IQCM: variants seen among roughly 807,000 people sequenced by gnomAD.
The protein encoded by IQCM is IQ motif containing M.
Under a neutral mutation model 57.6 loss-of-function variants are expected in IQCM, and 45 were observed. The observed-to-expected ratio is 0.78, with a 90% CI of 0.62 to 1.00. The LOEUF is 1.00. IQCM is among the 50% of genes least tolerant of loss of function. The pLI is 0.00. For missense variants in IQCM, 468 were observed against 511.6 expected, an observed-to-expected ratio of 0.91 and a Z score of 0.82; for synonymous variants, 148 against 158.9, an observed-to-expected ratio of 0.93 and a Z score of 0.51.
At chr4:149,782,767 A>G (rs1196731650) in intron 2 of IQCM, among the ~76,000 whole-genome samples, 3 of 152,132 alleles carry the variant, frequency 2.0e-5, no homozygotes, top group African/African-American at 7.2e-5. Flanking sequence ...AATAGAATAG[A>G]CTTAGCTAGA....
intron 7 of IQCM, among the ~76,000 whole-genome samples, chr4:149,665,604 A>G (rs985814312): frequency 1.3e-5 from 2 of 152,166 alleles, no homozygotes; most frequent in African/African-American, 4.8e-5. Flanking sequence ...ACAAATGCCA[A>G]GCAACTCCAG....
At chr4:149,775,178 T>TA (rs1770974091) in intron 2 of IQCM, among the ~76,000 whole-genome samples, 1 of 152,144 alleles carries the variant, frequency 6.6e-6, no homozygotes, top group African/African-American at 2.4e-5. Flanking sequence ...TTCTAGGAGA[T>TA]AGATTTCTGG....
intron 2 of IQCM, among the ~76,000 whole-genome samples, chr4:149,776,978 C>T (rs867969329): frequency 1.3e-5 from 2 of 152,084 alleles, no homozygotes; most frequent in Non-Finnish European, 1.5e-5. Context: ...CCAGGCACCT[C>T]CAGACCGCTT....
chr4:149,566,244 T>A (rs76473417), intron 9 of IQCM, among the ~76,000 whole-genome samples: 2,892 of 152,250 alleles, frequency 0.019, 55 homozygotes, highest in African/African-American at 0.057. Context: ...TGAGTTGACA[T>A]CTTTTTCTCA....
At chr4:149,412,668 A>T (rs892144493) in intron 13 of IQCM, among the ~76,000 whole-genome samples, 3 of 152,216 alleles carry the variant, frequency 2.0e-5, no homozygotes, top group African/African-American at 7.2e-5. Context: ...ACAGATATGT[A>T]TAGATCTAAA....
At chr4:149,665,091 A>T (rs1394434276) in intron 7 of IQCM, among the ~76,000 whole-genome samples, 1 of 152,144 alleles carries the variant, frequency 6.6e-6, no homozygotes, top group Non-Finnish European at 1.5e-5. Context: ...GAACAACTGT[A>T]GGGCCTCACA....
At chr4:149,403,800 A>G (rs1202583146) in intron 13 of IQCM, among the ~76,000 whole-genome samples, 1 of 152,004 alleles carries the variant, frequency 6.6e-6, no homozygotes, top group Non-Finnish European at 1.5e-5. Context: ...ATTCAATTAG[A>G]GGTAAAATAT....
intron 7 of IQCM, among the ~76,000 whole-genome samples, chr4:149,662,196 A>G (rs1006103877): frequency 9.2e-5 from 14 of 151,808 alleles, no homozygotes; most frequent in Admixed American, 3.3e-4. Context: ...TTCCTCATTG[A>G]TCCACTGGTT....
At chr4:149,479,367 A>T (rs1435671578) in intron 12 of IQCM, among the ~76,000 whole-genome samples, 2 of 152,200 alleles carry the variant, frequency 1.3e-5, no homozygotes. Flanking sequence ...ATTTGGGCAT[A>T]CCCCTTAAAT....
intron 12 of IQCM, among the ~76,000 whole-genome samples, chr4:149,542,169 T>C (rs1211073412): frequency 6.6e-6 from 1 of 152,100 alleles, no homozygotes; most frequent in Non-Finnish European, 1.5e-5. Context: ...ATTAGACATA[T>C]ATTTAAAATT....
intron 13 of IQCM, among the ~76,000 whole-genome samples, chr4:149,382,822 C>T (rs1208361882): frequency 6.6e-6 from 1 of 151,934 alleles, no homozygotes; most frequent in Non-Finnish European, 1.5e-5. Flanking sequence ...TCAGTGATGC[C>T]AAAGGCAGAA....
chr4:149,678,448 T>A (rs1413037427), intron 7 of IQCM, among the ~76,000 whole-genome samples: 2 of 151,708 alleles, frequency 1.3e-5, no homozygotes, highest in Non-Finnish European at 3.0e-5. Flanking sequence ...AGTTCTAATA[T>A]AAAAAACTGA....
Position 149,553,144 on chromosome 4 carries a change from T to A in IQCM, c.1092A>T (p.Lys364Asn). 1 of 1,231,366 alleles carries A rather than the reference T, an allele frequency of 8.1e-7. No individual in the cohort carries two copies. Among genetic ancestry groups the A allele is most frequent in the Non-Finnish European group, 1.0e-6 (1 of 987,320 alleles). The allele number at this position is 1,231,366 out of a possible 1,614,324, so 76.3% of individuals were successfully genotyped here. ...AELEEWMDRK[K>N]FYEIMFAKRE... is the part of the protein sequence containing the mutation. ...ACCAGAAGTGTCTGCATCACTTACATTTTTTTCGGTCCATCCACTCCTCTA... is the reference window on the plus strand; with the variant it reads ...ACCAGAAGTGTCTGCATCACTTACAATTTTTTCGGTCCATCCACTCCTCTA... The change falls in exon 11 of 14, where the codon AAA becomes AAT. Residue 364 changes from lysine to asparagine, a missense_variant and splice_region_variant. Transcript: ENST00000636793.
intron 13 of IQCM, among the ~76,000 whole-genome samples, chr4:149,409,324 C>T (rs143023670): frequency 6.6e-6 from 1 of 152,324 alleles, no homozygotes; most frequent in Non-Finnish European, 1.5e-5. Context: ...GCCAGTCATC[C>T]TCTAGCCCAG....
At chr4:149,555,233 T>TA (rs890129612) in intron 10 of IQCM, among the ~76,000 whole-genome samples, 15 of 152,080 alleles carry the variant, frequency 9.9e-5, no homozygotes, top group Non-Finnish European at 1.3e-4. Context: ...TTTTGTCTTT[T>TA]AAAAAAAATA....
chr4:149,756,373 C>CGA (rs1362559050), intron 2 of IQCM, among the ~76,000 whole-genome samples: 14 of 152,232 alleles, frequency 9.2e-5, no homozygotes, highest in African/African-American at 3.1e-4. Context: ...TGTTTTAAAA[C>CGA]ATCTGAGGGA....
At chr4:149,717,883 CT>C (rs1361731210) in intron 5 of IQCM, among the ~76,000 whole-genome samples, 1 of 152,204 alleles carries the variant, frequency 6.6e-6, no homozygotes, top group Non-Finnish European at 1.5e-5. Context: ...ATGGTTGTCC[CT>C]TTCCTAAACC....
intron 13 of IQCM, among the ~76,000 whole-genome samples, chr4:149,414,813 A>G (rs1015171001): frequency 3.9e-5 from 6 of 152,082 alleles, no homozygotes; most frequent in Admixed American, 6.5e-5. Context: ...CGGAAGTCTC[A>G]AATATAAAAT....
Position 149,785,960 on chromosome 4 carries a change from C to T in IQCM, c.-49+29351G>A, listed in dbSNP as rs116365658. 3.5e-3 allele frequency among the ~76,000 whole-genome samples: 540 copies of T among 152,250 alleles called. 2 individuals are homozygous for T. The highest frequency in any genetic ancestry group is 3.4e-3 in the Middle Eastern group (1 of 292). On this transcript the variant is annotated intron_variant, in intron 2 of 13. Coordinates refer to ENST00000636793, the MANE Select transcript of IQCM (RefSeq NM_001363507.2). ...AAATTCCATTGTTTCTTCAGTTTCA[C>T]TCTAGAATCTTTTGATTCTGTTAAA... is the stretch of plus-strand genomic sequence containing the variant.
Sources: allele counts gnomAD v4.1 joint callset (sites outside exome capture counted in the v4.1 genomes callset), GRCh38; gene constraint gnomAD v4.1.1; transcripts MANE v1.5; gene names NCBI Gene and HGNC (gene_info 2026-07-23, HGNC 2026-07-21).